Variants in LOC128125817 observed in about 807,000 individuals in gnomAD.
At chr1:41,614,974 C>T in the LOC128125817 span, among the ~76,000 whole-genome samples, 1 of 152,224 alleles carries the variant, frequency 6.6e-6, no homozygotes, top group Non-Finnish European at 1.5e-5. Context: ...CAGCTCTGAG[C>T]TAGGCAATTG....
At chr1:41,612,096 C>T in the LOC128125817 span, among the ~76,000 whole-genome samples, 1 of 152,120 alleles carries the variant, frequency 6.6e-6, no homozygotes, top group Non-Finnish European at 1.5e-5. Flanking sequence ...CCCACTCCCA[C>T]CCACCTGTGC....
At chr1:41,586,383 T>C in the LOC128125817 span, among the ~76,000 whole-genome samples, 176 of 152,364 alleles carry the variant, frequency 1.2e-3, 1 homozygote, top group African/African-American at 3.7e-3. Context: ...GATGGCTTAC[T>C]GAAGGTCCCG....
chr1:41,601,146 G>C, the LOC128125817 span, among the ~76,000 whole-genome samples: 1 of 152,100 alleles, frequency 6.6e-6, no homozygotes, highest in African/African-American at 2.4e-5. Flanking sequence ...ATACTGTTTT[G>C]ATTAGTGTAA....
chr1:41,600,729 C>T, the LOC128125817 span, among the ~76,000 whole-genome samples: 2 of 152,254 alleles, frequency 1.3e-5, no homozygotes, highest in Admixed American at 6.5e-5. Flanking sequence ...AAGATTTTAA[C>T]AGGCACTACA....
the LOC128125817 span, among the ~76,000 whole-genome samples, chr1:41,620,042 C>G: frequency 6.6e-6 from 1 of 152,102 alleles, no homozygotes; most frequent in Non-Finnish European, 1.5e-5. Flanking sequence ...CTTTGAATAT[C>G]TGTTGAATGA....
chr1:41,601,470 C>T, the LOC128125817 span, among the ~76,000 whole-genome samples: 1 of 151,862 alleles, frequency 6.6e-6, no homozygotes, highest in Non-Finnish European at 1.5e-5. Context: ...CTTTCATTTC[C>T]TTAGCTAAGT....
At chr1:41,603,591 C>T in the LOC128125817 span, among the ~76,000 whole-genome samples, 1 of 152,114 alleles carries the variant, frequency 6.6e-6, no homozygotes, top group African/African-American at 2.4e-5. Flanking sequence ...AACTCCTGAC[C>T]TCAAGTGATC....
chr1:41,595,431 GC>G, the LOC128125817 span, among the ~76,000 whole-genome samples: 1 of 152,156 alleles, frequency 6.6e-6, no homozygotes, highest in African/African-American at 2.4e-5. Context: ...TGAACTCTCT[GC>G]CTTTACACAT....
chr1:41,623,911 G>A, the LOC128125817 span, among the ~76,000 whole-genome samples: 1 of 151,838 alleles, frequency 6.6e-6, no homozygotes, highest in African/African-American at 2.4e-5. Context: ...TCAGAGTGAC[G>A]TGTATGCTCC....
At chr1:41,619,154 C>T in the LOC128125817 span, among the ~76,000 whole-genome samples, 1 of 152,196 alleles carries the variant, frequency 6.6e-6, no homozygotes, top group African/African-American at 2.4e-5. Context: ...CCCACTCCTC[C>T]AGCCACACCA....
At chr1:41,606,368 A>G in the LOC128125817 span, among the ~76,000 whole-genome samples, 2 of 151,878 alleles carry the variant, frequency 1.3e-5, no homozygotes, top group Admixed American at 6.5e-5. Context: ...CCACCTTCAG[A>G]TTTTTGTTAT....
chr1:41,594,393 T>A, the LOC128125817 span, among the ~76,000 whole-genome samples: 1 of 151,940 alleles, frequency 6.6e-6, no homozygotes, highest in Non-Finnish European at 1.5e-5. Context: ...CAGATAATTT[T>A]CGTATTTTTA....
the LOC128125817 span, among the ~76,000 whole-genome samples, chr1:41,612,084 C>G: frequency 6.6e-6 from 1 of 152,144 alleles, no homozygotes; most frequent in Non-Finnish European, 1.5e-5. Context: ...CACCTTCCTC[C>G]TCCCACTCCC....
chr1:41,599,521 C>A, the LOC128125817 span, among the ~76,000 whole-genome samples: 1 of 152,038 alleles, frequency 6.6e-6, no homozygotes, highest in Admixed American at 6.5e-5. Context: ...TGTTTGAAAA[C>A]AAATTCCTAA....
At chr1:41,603,623 G>C in the LOC128125817 span, among the ~76,000 whole-genome samples, 2 of 152,196 alleles carry the variant, frequency 1.3e-5, no homozygotes, top group Non-Finnish European at 2.9e-5. Context: ...GCCTCCCAAA[G>C]TGCTGGGATT....
chr1:41,611,109 A>G, the LOC128125817 span, among the ~76,000 whole-genome samples: 1 of 152,222 alleles, frequency 6.6e-6, no homozygotes, highest in Non-Finnish European at 1.5e-5. Context: ...GAAAATTACT[A>G]GTGTATGTTA....
chr1:41,616,619 C>CT, the LOC128125817 span, among the ~76,000 whole-genome samples: 9 of 107,462 alleles, frequency 8.4e-5, no homozygotes, highest in Admixed American at 3.5e-4. Flanking sequence ...AGATGGGGAG[C>CT]CTTTTTTTTT....
chr1:41,621,577 T>C, the LOC128125817 span, among the ~76,000 whole-genome samples: 33 of 152,354 alleles, frequency 2.2e-4, no homozygotes, highest in African/African-American at 7.7e-4. Flanking sequence ...TGCAGTGGTA[T>C]AATCACAGCT....
At chr1:41,615,708 C>A in the LOC128125817 span, among the ~76,000 whole-genome samples, 1 of 151,328 alleles carries the variant, frequency 6.6e-6, no homozygotes, top group Admixed American at 6.6e-5. Context: ...AGAAAACAAT[C>A]ATGGGATGGT....
Sources: gnomAD v4.1 joint callset for allele counts (sites outside exome capture counted in the v4.1 genomes callset) on GRCh38, gnomAD v4.1.1 for gene constraint, MANE v1.5 for transcripts.